Variants in CCDC15 observed in about 807,000 individuals in gnomAD.
CCDC15 encodes the protein coiled-coil domain containing 15.
In CCDC15, 105 loss-of-function variants were observed where a neutral mutation model predicts 114.5. The observed-to-expected ratio is 0.92, with a 90% confidence interval of 0.78 to 1.08. CCDC15 has a LOEUF of 1.08. CCDC15 is among the 50% of genes least tolerant of loss of function. CCDC15 has a pLI of 0.00. For missense variants in CCDC15, 1,105 were observed against 1,093.6 expected (o/e 1.01, Z -0.15); for synonymous variants, 334 against 377.8 (o/e 0.88, Z 1.34).
intron 3 of CCDC15, among the ~76,000 whole-genome samples, chr11:124,959,602 T>A (rs1327613780): frequency 6.6e-6 from 1 of 152,218 alleles, no homozygotes; most frequent in Non-Finnish European, 1.5e-5. Flanking sequence ...AAGGATATGA[T>A]ACTTCTCTCA....
intron 13 of CCDC15, among the ~76,000 whole-genome samples, chr11:125,012,547 A>T (rs1292456774): frequency 7.2e-5 from 11 of 152,204 alleles, no homozygotes. Context: ...TACAGAGTCC[A>T]TGTGAGCACA....
At chr11:125,028,879 G>T (rs1948721236) in intron 13 of CCDC15, among the ~76,000 whole-genome samples, 2 of 152,054 alleles carry the variant, frequency 1.3e-5, no homozygotes. Context: ...TAGAGGGACA[G>T]AACTAATGGA....
chr11:124,974,768 G>A (rs2135457672), intron 4 of CCDC15, among the ~76,000 whole-genome samples: 1 of 152,302 alleles, frequency 6.6e-6, no homozygotes, highest in South Asian at 2.1e-4. Context: ...TAAGGAATGT[G>A]TCTGGTCAGT....
Position 125,038,529 on chromosome 11 carries a change from A to C in CCDC15, c.2510A>C (p.Glu837Ala), listed in dbSNP as rs1301328678. The change falls in exon 14 of 16, where the codon GAG (glutamate) becomes GCG (alanine). Residue 837 changes from glutamate to alanine, a missense_variant. Coordinates refer to ENST00000344762, the MANE Select transcript of CCDC15 (RefSeq NM_025004.3). ...EDPYSGEKLS[E>A]ILAQLQLQEI... ...CCATATTCAGGAGAGAAGTTGAGTGAGATATTAGCCCAGTTACAACTTCAA... is the reference window on the plus strand; with the variant it reads ...CCATATTCAGGAGAGAAGTTGAGTGCGATATTAGCCCAGTTACAACTTCAA... 1 of 1,588,382 alleles carries C rather than the reference A, an allele frequency of 6.3e-7. No homozygotes were observed. The highest frequency in any genetic ancestry group is 1.8e-5 in the Admixed American group (1 of 56,180).
intron 4 of CCDC15, among the ~76,000 whole-genome samples, chr11:124,968,722 A>C (rs1425913047): frequency 2.0e-5 from 2 of 97,662 alleles, no homozygotes; most frequent in African/African-American, 5.5e-5. Context: ...GCAGAAATCT[A>C]CCTGTCTTCT....
intron 13 of CCDC15, among the ~76,000 whole-genome samples, chr11:125,033,297 A>C (rs1173165309): frequency 6.6e-6 from 1 of 152,218 alleles, no homozygotes; most frequent in Non-Finnish European, 1.5e-5. Context: ...AGAGCTCTGC[A>C]TAAGTCAAAC....
chr11:124,990,422 C>T (rs1205901508), intron 8 of CCDC15, among the ~76,000 whole-genome samples: 2 of 152,152 alleles, frequency 1.3e-5, no homozygotes, highest in East Asian at 1.9e-4. Context: ...AGACATTACA[C>T]GAGCACATGC....
intron 11 of CCDC15, among the ~76,000 whole-genome samples, chr11:124,994,451 T>G (rs1948328349): frequency 2.0e-5 from 3 of 152,212 alleles, no homozygotes. Context: ...CATTGAAACC[T>G]AGGGTATTTT....
At chr11:125,015,544 A>G (rs61912664) in intron 13 of CCDC15, among the ~76,000 whole-genome samples, 2,416 of 152,324 alleles carry the variant, frequency 0.016, 23 homozygotes, top group Middle Eastern at 0.051. Flanking sequence ...GAAATTGAAT[A>G]CTTGAGTAAT....
chr11:124,999,730 T>A (rs756012885), intron 11 of CCDC15, among the ~76,000 whole-genome samples: 8 of 152,196 alleles, frequency 5.3e-5, no homozygotes, highest in Non-Finnish European at 1.0e-4. Flanking sequence ...TTTAAAAGTT[T>A]TGTCTGTTAA....
intron 11 of CCDC15, among the ~76,000 whole-genome samples, chr11:124,998,395 T>C (rs1376174651): frequency 1.3e-5 from 2 of 152,222 alleles, no homozygotes; most frequent in Admixed American, 1.3e-4. Context: ...AATTCCGTTC[T>C]ATTATTGCAT....
chr11:125,030,630 T>A (rs1317162956), intron 13 of CCDC15, among the ~76,000 whole-genome samples: 3 of 152,228 alleles, frequency 2.0e-5, no homozygotes, highest in African/African-American at 7.2e-5. Context: ...GATAGCTGGC[T>A]GATCACCCTG....
At chr11:125,015,128 C>A (rs1054292192) in intron 13 of CCDC15, among the ~76,000 whole-genome samples, 3 of 152,004 alleles carry the variant, frequency 2.0e-5, no homozygotes, top group African/African-American at 7.2e-5. Flanking sequence ...AAGGGAATGT[C>A]AGAGCCTTGA....
chr11:125,017,175 T>A (rs1162981300), intron 13 of CCDC15, among the ~76,000 whole-genome samples: 1 of 152,176 alleles, frequency 6.6e-6, no homozygotes, highest in Non-Finnish European at 1.5e-5. Flanking sequence ...TCAGTTGTTA[T>A]AAGAATAAAA....
intron 4 of CCDC15, among the ~76,000 whole-genome samples, chr11:124,965,578 T>C: frequency 6.6e-6 from 1 of 151,670 alleles, no homozygotes; most frequent in African/African-American, 2.4e-5. Flanking sequence ...TTTGTTGATC[T>C]TTTCAAAAAA....
At chr11:125,032,445 C>T (rs1948746197) in intron 13 of CCDC15, among the ~76,000 whole-genome samples, 1 of 152,176 alleles carries the variant, frequency 6.6e-6, no homozygotes, top group Non-Finnish European at 1.5e-5. Context: ...GAAGTCACCA[C>T]TTGGTTAAGC....
intron 1 of CCDC15, among the ~76,000 whole-genome samples, 157 bp from the exon 2 acceptor site, chr11:124,954,567 C>T (rs771803491): frequency 4.6e-5 from 7 of 152,212 alleles, no homozygotes; most frequent in Non-Finnish European, 7.3e-5. Flanking sequence ...CCCTTCTTTT[C>T]TTCCTTTTTC....
At chr11:124,984,136 G>A (rs1948118708) in intron 6 of CCDC15, among the ~76,000 whole-genome samples, 1 of 152,170 alleles carries the variant, frequency 6.6e-6, no homozygotes, top group Admixed American at 6.5e-5. Context: ...ATGCACACTG[G>A]TGGGGAAGCA....
intron 4 of CCDC15, 132 bp downstream of exon 4, chr11:124,960,135 C>CTT (rs57279788): frequency 3.0e-3 from 1,301 of 434,300 alleles, no homozygotes; most frequent in Non-Finnish European, 3.8e-3. Context: ...AATCATCCCC[C>CTT]TTTTTTTTTT....
Sources: gnomAD v4.1 joint callset for allele counts (sites outside exome capture counted in the v4.1 genomes callset) on GRCh38, gnomAD v4.1.1 for gene constraint, MANE v1.5 for transcripts, NCBI Gene and HGNC (gene_info 2026-07-23, HGNC 2026-07-21) for gene names.